The following TAFA2 variants were observed in gnomAD, a reference collection of about 807,000 sequenced individuals.
The protein encoded by TAFA2 is chemokine-like protein TAFA-2.
Under a neutral mutation model 18.8 loss-of-function variants are expected in TAFA2, and 7 were observed. The observed-to-expected ratio is 0.37, with a 90% CI of 0.21 to 0.70. The LOEUF is 0.70. TAFA2 is among the 30% of genes least tolerant of loss of function. The pLI is 0.53. For synonymous variants in TAFA2, 60 were observed against 54.2 expected (o/e 1.11, Z -0.47); for missense variants, 122 against 158.1 (o/e 0.77, Z 1.23).
At chr12:61,910,103 T>C (rs1334283766) in intron 1 of TAFA2, among the ~76,000 whole-genome samples, 1 of 7,694 alleles carries the variant, frequency 1.3e-4, no homozygotes, top group African/African-American at 2.2e-3. Context: ...TGTGTGTTTG[T>C]GTGTGTGTGT....
intron 1 of TAFA2, among the ~76,000 whole-genome samples, chr12:62,214,600 T>C (rs541076771): frequency 6.6e-6 from 1 of 152,342 alleles, no homozygotes; most frequent in South Asian, 2.1e-4. Context: ...AGATAAGATC[T>C]TTTTTAAAGT....
At chr12:62,159,201 T>G (rs536376374) in intron 1 of TAFA2, among the ~76,000 whole-genome samples, 1 of 152,310 alleles carries the variant, frequency 6.6e-6, no homozygotes, top group African/African-American at 2.4e-5. Flanking sequence ...CCTTAAAGCA[T>G]TGCCACATGC....
intron 4 of TAFA2, among the ~76,000 whole-genome samples, chr12:61,719,271 T>G (rs188667315): frequency 9.2e-5 from 14 of 152,308 alleles, no homozygotes; most frequent in Admixed American, 9.2e-4. Flanking sequence ...GGTAGGAGGA[T>G]AGAGGAGCCT....
intron 1 of TAFA2, among the ~76,000 whole-genome samples, chr12:61,907,185 A>G (rs1356597820): frequency 6.6e-6 from 1 of 152,226 alleles, no homozygotes; most frequent in African/African-American, 2.4e-5. Flanking sequence ...GATAGTGGGG[A>G]AAATGTCTCC....
chr12:61,822,603 T>A (rs1007699282), intron 2 of TAFA2, among the ~76,000 whole-genome samples: 3 of 152,148 alleles, frequency 2.0e-5, no homozygotes, highest in African/African-American at 7.2e-5. Context: ...GGTGTCCCCA[T>A]CTCTTCAGAC....
rs1400598879 is a variant in TAFA2 at position 61,971,656 on chromosome 12, T to C, written c.-1-104230A>G. Among the ~76,000 whole-genome samples the C allele has an allele frequency of 2.6e-5, 4 of 151,548 alleles. No homozygotes were observed. The East Asian group carries it at 5.9e-4, about 22-fold the overall frequency. The stretch of plus-strand genomic sequence containing the variant: ...ACTAAACACCACATGTTCTCACTCA[T>C]AAGTGGGAGTTGAACAATGAGAACA... On this transcript the variant is annotated intron_variant, in intron 1 of 4. Coordinates refer to ENST00000416284, the MANE Select transcript of TAFA2 (RefSeq NM_178539.5).
chr12:62,078,772 G>A (rs1330169297), intron 1 of TAFA2, among the ~76,000 whole-genome samples: 1 of 152,102 alleles, frequency 6.6e-6, no homozygotes, highest in East Asian at 1.9e-4. Flanking sequence ...CCTTGCCTGA[G>A]AAAAATTTCT....
At chr12:62,017,018 T>G (rs1405462952) in intron 1 of TAFA2, among the ~76,000 whole-genome samples, 1 of 152,176 alleles carries the variant, frequency 6.6e-6, no homozygotes, top group African/African-American at 2.4e-5. Flanking sequence ...TGATAATACA[T>G]AGCTAAATTA....
At chr12:62,235,333 G>C in intron 1 of TAFA2, 1 of 664,266 alleles carries the variant, frequency 1.5e-6, no homozygotes, top group Non-Finnish European at 2.8e-6. Flanking sequence ...GTCCTGTGAG[G>C]AAAGTGCTGA....
chr12:62,126,013 G>A (rs1418392815), intron 1 of TAFA2, among the ~76,000 whole-genome samples: 4 of 151,934 alleles, frequency 2.6e-5, no homozygotes, highest in East Asian at 3.9e-4. Context: ...TCCAGATCAC[G>A]GAAAACCAGC....
At chr12:62,165,881 C>T (rs1294468333) in intron 1 of TAFA2, among the ~76,000 whole-genome samples, 1 of 150,264 alleles carries the variant, frequency 6.7e-6, no homozygotes, top group African/African-American at 2.4e-5. Flanking sequence ...TAACATGTTG[C>T]CAGTTTAAAC....
chr12:61,949,399 C>G (rs1177129843), intron 1 of TAFA2, among the ~76,000 whole-genome samples: 1 of 152,078 alleles, frequency 6.6e-6, no homozygotes, highest in Non-Finnish European at 1.5e-5. Context: ...ATCAACTCTC[C>G]CAGGTCTCCA....
Position 62,080,999 on chromosome 12 carries a change from T to C in TAFA2, c.-2+110260A>G, listed in dbSNP as rs143030980. ...CACGAGGTCAGGAGATCGAGACCAT[T>C]CTGCCTGACACGGTGAAACCCTGTC... On this transcript the variant is annotated intron_variant, in intron 1 of 4. Coordinates refer to ENST00000416284, the MANE Select transcript of TAFA2 (RefSeq NM_178539.5). Among the ~76,000 whole-genome samples, 607 of 152,136 alleles carry C rather than the reference T, an allele frequency of 4.0e-3. 5 individuals are homozygous for C. Among genetic ancestry groups the C allele is most frequent in the Middle Eastern group, 0.031 (9 of 292 alleles).
At chr12:61,930,345 A>G (rs1476185409) in intron 1 of TAFA2, among the ~76,000 whole-genome samples, 1 of 152,200 alleles carries the variant, frequency 6.6e-6, no homozygotes, top group African/African-American at 2.4e-5. Context: ...ATAAAAAATT[A>G]TAAGGAAGTT....
intron 1 of TAFA2, among the ~76,000 whole-genome samples, chr12:61,884,406 T>C (rs1875279169): frequency 6.6e-6 from 1 of 152,156 alleles, no homozygotes; most frequent in Non-Finnish European, 1.5e-5. Context: ...TTGGGTAATA[T>C]ATTTGACAGT....
intron 2 of TAFA2, among the ~76,000 whole-genome samples, chr12:61,790,083 G>A (rs1870909106): frequency 6.6e-6 from 1 of 151,372 alleles, no homozygotes; most frequent in African/African-American, 2.4e-5. Flanking sequence ...CAATAAATGT[G>A]GTACCTCAAA....
intron 1 of TAFA2, among the ~76,000 whole-genome samples, chr12:62,026,881 A>G (rs1033336456): frequency 4.6e-5 from 7 of 152,150 alleles, no homozygotes; most frequent in Non-Finnish European, 8.8e-5. Context: ...GCATGAGATA[A>G]ATCAGAACAC....
chr12:62,018,772 T>C (rs1251736281), intron 1 of TAFA2, among the ~76,000 whole-genome samples: 1 of 152,192 alleles, frequency 6.6e-6, no homozygotes, highest in Admixed American at 6.5e-5. Flanking sequence ...GGGCAAGGAC[T>C]TCATGTCTAA....
chr12:61,818,488 A>ACACACAC (rs1565644699), intron 2 of TAFA2, among the ~76,000 whole-genome samples: 2 of 118,764 alleles, frequency 1.7e-5, no homozygotes, highest in African/African-American at 8.1e-5. Context: ...GTCTCAAAAA[A>ACACACAC]ATACACACAC....
Sources: gnomAD v4.1 joint callset for allele counts (sites outside exome capture counted in the v4.1 genomes callset) on GRCh38, gnomAD v4.1.1 for gene constraint, MANE v1.5 for transcripts, NCBI Gene and HGNC (gene_info 2026-07-23, HGNC 2026-07-21) for gene names.